GSDME: variants seen among roughly 807,000 people sequenced by gnomAD.
GSDME encodes gasdermin-E.
GSDME carries 44 observed loss-of-function variants against 47.5 expected under a neutral mutation model. That is an observed-to-expected ratio of 0.93 (90% CI 0.73 to 1.19). The LOEUF is 1.19. GSDME is among the 50% of genes most tolerant of loss of function. GSDME has a pLI of 0.00. For missense variants in GSDME, 663 were observed against 604.2 expected (o/e 1.10, Z -1.02); for synonymous variants, 258 against 252.8 (o/e 1.02, Z -0.20).
chr7:24,779,871 T>G, the GSDME span, among the ~76,000 whole-genome samples: 191 of 152,344 alleles, frequency 1.3e-3, 1 homozygote, highest in Non-Finnish European at 2.2e-3. The surrounding 1 kb of genome is among the most constrained non-coding windows in gnomAD (Gnocchi z 6.0). Flanking sequence ...TCTCAGATTG[T>G]GGAAAACATT....
chr7:24,746,235 A>C (rs1364721217), intron 2 of GSDME, among the ~76,000 whole-genome samples: 1 of 152,192 alleles, frequency 6.6e-6, no homozygotes, highest in Non-Finnish European at 1.5e-5. Flanking sequence ...CTATTCATGG[A>C]CTTTTTTTGT....
intron 5 of GSDME, chr7:24,715,409 T>C (rs1264243650): frequency 1.3e-5 from 6 of 468,328 alleles, no homozygotes; most frequent in Non-Finnish European, 2.7e-5. Flanking sequence ...CTTGACTCAG[T>C]AGTTATCCCG....
intron 2 of GSDME, among the ~76,000 whole-genome samples, chr7:24,748,454 G>A (rs984482905): frequency 2.0e-5 from 3 of 152,050 alleles, no homozygotes; most frequent in Admixed American, 6.6e-5. Flanking sequence ...CACCACGCCC[G>A]GCCTACAGTA....
chr7:24,713,273 T>A (rs1468054992), intron 5 of GSDME, among the ~76,000 whole-genome samples: 1 of 152,014 alleles, frequency 6.6e-6, no homozygotes, highest in Admixed American at 6.5e-5. Flanking sequence ...GCTCCTTTCC[T>A]CCAGGCAGAG....
chr7:24,748,654 A>G (rs901746244), intron 2 of GSDME, among the ~76,000 whole-genome samples: 9 of 152,056 alleles, frequency 5.9e-5, no homozygotes, highest in African/African-American at 1.9e-4. Flanking sequence ...GACTGCTCTC[A>G]GCTTCTGAGA....
intron 1 of GSDME, among the ~76,000 whole-genome samples, chr7:24,753,825 T>G (rs922843903): frequency 1.3e-5 from 2 of 152,246 alleles, no homozygotes; most frequent in African/African-American, 4.8e-5. Context: ...TTTCCAGGAA[T>G]GTTTGATATA....
chr7:24,720,931 G>A (rs1789758097), intron 3 of GSDME, among the ~76,000 whole-genome samples: 1 of 151,546 alleles, frequency 6.6e-6, no homozygotes. Flanking sequence ...AAGAAGTGAA[G>A]TTCTGACATC....
the GSDME span, among the ~76,000 whole-genome samples, chr7:24,791,848 C>T: frequency 6.6e-6 from 1 of 152,292 alleles, no homozygotes; most frequent in Admixed American, 6.5e-5. The surrounding 1 kb of genome is among the most constrained non-coding windows in gnomAD (Gnocchi z 4.8). Context: ...TTCAGGTCTC[C>T]AGGGAATGCT....
At chr7:24,785,696 C>T in the GSDME span, among the ~76,000 whole-genome samples, 2 of 152,194 alleles carry the variant, frequency 1.3e-5, no homozygotes, top group African/African-American at 4.8e-5. Context: ...ACCTCATGAT[C>T]CACCTGCCTT....
chr7:24,783,271 T>G, the GSDME span, among the ~76,000 whole-genome samples: 11 of 152,344 alleles, frequency 7.2e-5, no homozygotes, highest in Non-Finnish European at 1.5e-4. Context: ...ACATCCTGGC[T>G]TTATCAAGTA....
intron 3 of GSDME, among the ~76,000 whole-genome samples, chr7:24,720,654 G>A (rs982001986): frequency 2.0e-5 from 3 of 152,246 alleles, no homozygotes; most frequent in Admixed American, 2.0e-4. Flanking sequence ...AGTGGCTTAT[G>A]CCTGTAATCC....
At chr7:24,795,526 AG>A in the GSDME span, among the ~76,000 whole-genome samples, 20 of 152,276 alleles carry the variant, frequency 1.3e-4, no homozygotes, top group African/African-American at 4.1e-4. Context: ...TTGAGCAAGC[AG>A]GGGTACGTGA....
chr7:24,723,783 C>T (rs371993173), intron 3 of GSDME, among the ~76,000 whole-genome samples: 12 of 152,216 alleles, frequency 7.9e-5, no homozygotes, highest in African/African-American at 2.9e-4. Context: ...TCTCTATTAA[C>T]TCTTGTATTG....
intron 3 of GSDME, among the ~76,000 whole-genome samples, chr7:24,730,227 T>C (rs1315717217): frequency 6.6e-6 from 1 of 152,226 alleles, no homozygotes; most frequent in African/African-American, 2.4e-5. Context: ...TCCTGACTCA[T>C]CCCAGCCATC....
chr7:24,709,297 A>C (rs56262438), intron 6 of GSDME, among the ~76,000 whole-genome samples: 5,871 of 152,288 alleles, frequency 0.039, 157 homozygotes, highest in Non-Finnish European at 0.057. Context: ...GCCTTCTGCT[A>C]CCCAGTGGCT....
chr7:24,706,008 C>G, intron 8 of GSDME, 176 bp downstream of exon 8: 3 of 780,434 alleles, frequency 3.8e-6, no homozygotes, highest in South Asian at 1.6e-5. Flanking sequence ...AGACTCGAGA[C>G]CGAAGGGGGG....
chr7:24,729,806 C>T (rs1304471548), intron 3 of GSDME, among the ~76,000 whole-genome samples: 1 of 152,122 alleles, frequency 6.6e-6, no homozygotes, highest in Non-Finnish European at 1.5e-5. Flanking sequence ...TGGGCATCCT[C>T]CTAGGACAGG....
intron 3 of GSDME, among the ~76,000 whole-genome samples, chr7:24,719,514 C>T (rs979757437): frequency 1.3e-5 from 2 of 152,134 alleles, no homozygotes; most frequent in African/African-American, 2.4e-5. Context: ...CAACCAGGGC[C>T]AGGCGTGGTG....
intron 8 of GSDME, chr7:24,704,294 T>TA (rs1429369834): frequency 6.6e-6 from 1 of 152,198 alleles, no homozygotes; most frequent in Non-Finnish European, 1.5e-5. Context: ...TGGAGTTGCT[T>TA]AAGGTTACAA....
Sources: allele counts gnomAD v4.1 joint callset (sites outside exome capture counted in the v4.1 genomes callset), GRCh38; gene constraint gnomAD v4.1.1; non-coding constraint Gnocchi (gnomAD v3.1); transcripts MANE v1.5; gene names NCBI Gene and HGNC (gene_info 2026-07-23, HGNC 2026-07-21).